Variants in AKAP8L observed in about 807,000 individuals in gnomAD.
AKAP8L encodes A-kinase anchoring protein 8 like, also known as A-kinase anchor protein 8-like.
In AKAP8L, 34 loss-of-function variants were observed where a neutral mutation model predicts 77.5. The ratio of observed to expected loss-of-function variants is 0.44; its 90% confidence interval spans 0.33 to 0.58. The LOEUF is 0.58. AKAP8L is among the 20% of genes least tolerant of loss of function. The pLI is 0.02. For synonymous variants in AKAP8L, 342 were observed against 340.7 expected (o/e 1.00, Z -0.04); for missense variants, 806 against 887.6 (o/e 0.91, Z 1.17).
At chr19:15,380,748 T>C in intron 12 of AKAP8L, 136 bp from the exon 13 acceptor site, 5 of 693,290 alleles carry the variant, frequency 7.2e-6, no homozygotes, top group Non-Finnish European at 1.2e-5. Context: ...GGAGGGCCAC[T>C]CCACAAGCAT....
intron 12 of AKAP8L, among the ~76,000 whole-genome samples, chr19:15,381,564 C>T (rs1455901753): frequency 1.3e-5 from 2 of 152,090 alleles, no homozygotes; most frequent in African/African-American, 2.4e-5. Context: ...CTTCCCACTC[C>T]ATTTACATGT....
chr19:15,401,063 A>C lies in AKAP8L; in HGVS notation c.817-20T>G. 1 of 1,610,594 alleles carries C rather than the reference A, an allele frequency of 6.2e-7. No individual in the cohort carries two copies. The highest frequency in any genetic ancestry group is 8.5e-7 in the Non-Finnish European group (1 of 1,179,844). ...CTTGGTCTGGGTCATAAGGGGGGGA[A>C]GCCGTGTCAGGGTGCATGGCACCCG... is the stretch of plus-strand genomic sequence containing the variant. On this transcript the variant is annotated intron_variant, in intron 5 of 13. Coordinates refer to ENST00000397410, the MANE Select transcript of AKAP8L (RefSeq NM_014371.4). The surrounding 1 kb of genome is among the most constrained non-coding windows in gnomAD (Gnocchi z 6.2).
At chr19:15,381,640 G>A (rs754640672) in intron 12 of AKAP8L, among the ~76,000 whole-genome samples, 3 of 150,810 alleles carry the variant, frequency 2.0e-5, no homozygotes, top group Non-Finnish European at 2.9e-5. Flanking sequence ...TCCTTAGCAC[G>A]TTTTCTCTAC....
Position 15,401,063 on chromosome 19 carries a change from A to G in AKAP8L, c.817-20T>C. 6.2e-7 allele frequency: 1 copy of G among 1,610,594 alleles called. No individual in the cohort carries two copies. ...CTTGGTCTGGGTCATAAGGGGGGGA[A>G]GCCGTGTCAGGGTGCATGGCACCCG... On this transcript the variant is annotated intron_variant, in intron 5 of 13. Transcript: ENST00000397410. The surrounding 1 kb of genome is among the most constrained non-coding windows in gnomAD (Gnocchi z 6.2).
intron 1 of AKAP8L, among the ~76,000 whole-genome samples, chr19:15,411,678 G>A (rs907448229): frequency 1.3e-5 from 2 of 152,028 alleles, no homozygotes; most frequent in African/African-American, 2.4e-5. Context: ...TATTTGGGGT[G>A]GCATGGTCAT....
At chr19:15,402,543 C>A (rs1463806780) in intron 4 of AKAP8L, among the ~76,000 whole-genome samples, 1 of 152,242 alleles carries the variant, frequency 6.6e-6, no homozygotes, top group Non-Finnish European at 1.5e-5. Context: ...ACATGCCAAG[C>A]CCTCAGCTCT....
Position 15,398,401 on chromosome 19 carries a change from GGCA to G in AKAP8L, c.1158-549_1158-547del. On this transcript the variant is annotated intron_variant, in intron 9 of 13. Transcript: ENST00000397410. This position sits in a 1 kb window ranked among gnomAD's most constrained non-coding sequence, Gnocchi z 9.2. Reference sequence around the variant, plus strand: ...GGAGGGATGGGAGGCAGCAGGCCTGGGCACCTGCTGCCTCATCTTCCTCTTCCA... The same window carrying G: ...GGAGGGATGGGAGGCAGCAGGCCTGGCCTGCTGCCTCATCTTCCTCTTCCA... 5.3e-6 allele frequency: 1 copy of G among 188,236 alleles called. No individual in the cohort carries two copies. Among genetic ancestry groups the G allele is most frequent in the South Asian group, 1.7e-4 (1 of 5,996 alleles). 11.7% of individuals were successfully genotyped at this position (188,236 alleles called of 1,614,324 possible).
Position 15,397,489 on chromosome 19 carries a change from C to T in AKAP8L, c.1405+31G>A. 3 of 1,589,780 alleles carry T rather than the reference C, an allele frequency of 1.9e-6. No homozygotes were observed. The highest frequency in any genetic ancestry group is 2.6e-6 in the Non-Finnish European group (3 of 1,160,172). ...ATCAGGAGTGCAGGCTGAGGCCTTG[C>T]CTGGTGGGAGTGGGCTGAAAATCTC... is the stretch of plus-strand genomic sequence containing the variant. On this transcript the variant is annotated intron_variant, in intron 11 of 13. Transcript: ENST00000397410. The surrounding 1 kb of genome is among the most constrained non-coding windows in gnomAD (Gnocchi z 4.7).
chr19:15,380,469 A>T, intron 13 of AKAP8L, 39 bp from the exon 14 acceptor site: 2 of 1,612,718 alleles, frequency 1.2e-6, no homozygotes, highest in Non-Finnish European at 1.7e-6. Flanking sequence ...GAGGGAGCAC[A>T]GGCGGGGACT....
intron 12 of AKAP8L, among the ~76,000 whole-genome samples, chr19:15,384,184 G>A (rs556584967): frequency 6.6e-6 from 1 of 151,656 alleles, no homozygotes; most frequent in South Asian, 2.1e-4. Flanking sequence ...ACCTGCCTCC[G>A]CCTCCCAAAG....
rs1330753564 is a variant in AKAP8L, at chr19:15,380,171, G to A, written c.1892C>T (p.Pro631Leu). 6.6e-7 allele frequency: 1 copy of A among 1,505,470 alleles called. No homozygotes were observed. The highest frequency in any genetic ancestry group is 2.1e-5 in the Admixed American group (1 of 47,532). 93.3% of individuals were successfully genotyped at this position (1,505,470 alleles called of 1,614,324 possible). A position where few individuals can be genotyped will look rare whatever the true frequency, so the allele number is the denominator to read the frequency against. ...GALQRQIRGIPGLDVEDDEEG... is the reference protein window; with the variant it reads ...GALQRQIRGILGLDVEDDEEG... ...CTCGTCGTCCTCCACGTCGAGGCCC[G>A]GGATGCCGCGGATCTGGCGTTGCAG... The change falls in exon 14 of 14, where the codon CCG (proline) becomes CTG (leucine). Residue 631 changes from proline to leucine, a missense_variant. Around this residue, in one of 2 missense-constraint regions of AKAP8L, gnomAD observed 226 missense variants for 193.5 expected, o/e 1.17. Transcript: ENST00000397410.
At chr19:15,409,705 C>T (rs1313423524) in intron 2 of AKAP8L, among the ~76,000 whole-genome samples, 1 of 152,192 alleles carries the variant, frequency 6.6e-6, no homozygotes, top group Non-Finnish European at 1.5e-5. Flanking sequence ...AACAAAACAG[C>T]ATCTGTGAAT....
chr19:15,384,676 C>T (rs4809186), intron 12 of AKAP8L, among the ~76,000 whole-genome samples: 121,401 of 152,140 alleles, frequency 0.8, 48,696 homozygotes, highest in East Asian at 0.99. Flanking sequence ...GTTTTTTTTC[C>T]ATTTAAATTT....
chr19:15,397,056 C>T lies in AKAP8L; in HGVS notation c.1536+94G>A. On this transcript the variant is annotated intron_variant, in intron 12 of 13. Coordinates refer to ENST00000397410, the MANE Select transcript of AKAP8L (RefSeq NM_014371.4). The surrounding 1 kb of genome is among the most constrained non-coding windows in gnomAD (Gnocchi z 4.7). ...CCTCCTCCTGCCTCCACTGCAGTCC[C>T]TCACGGGCTGGCAGAGGTTCCAACT... 1.3e-6 allele frequency: 2 copies of T among 1,557,618 alleles called. No individual in the cohort carries two copies. The highest frequency in any genetic ancestry group is 2.3e-5 in the South Asian group (2 of 86,198).
intron 12 of AKAP8L, among the ~76,000 whole-genome samples, chr19:15,392,855 C>T (rs1967690673): frequency 2.2e-5 from 3 of 138,108 alleles, no homozygotes; most frequent in Admixed American, 7.8e-5. Flanking sequence ...AAGATGGCAC[C>T]ACTGCATTCC....
intron 4 of AKAP8L, among the ~76,000 whole-genome samples, chr19:15,402,327 C>G (rs1393654414): frequency 2.0e-5 from 3 of 152,280 alleles, no homozygotes; most frequent in South Asian, 4.1e-4. Flanking sequence ...GACTGCAGCC[C>G]GCAGCCCACA....
rs1968034373 is a variant in AKAP8L at position 15,408,040 on chromosome 19, AT to A, written c.88+2479del. Among the ~76,000 whole-genome samples, 4 of 152,254 alleles carry A rather than the reference AT, an allele frequency of 2.6e-5. 1 individual carries two copies. The stretch of plus-strand genomic sequence containing the variant: ...CGAGGCGCAGTGGCTAATGCCTGTA[AT>A]TCCAACACTTTGGGAGGCCGAGGCA... On this transcript the variant is annotated intron_variant, in intron 2 of 13. Coordinates refer to ENST00000397410, the MANE Select transcript of AKAP8L (RefSeq NM_014371.4).
At chr19:15,417,622 G>A (rs1968231184) in intron 1 of AKAP8L, 1 of 152,216 alleles carries the variant, frequency 6.6e-6, no homozygotes, top group Non-Finnish European at 1.5e-5. Flanking sequence ...GGGGTTCTTG[G>A]AAAGCTCCTG....
At chr19:15,391,863 G>T (rs550283664) in intron 12 of AKAP8L, among the ~76,000 whole-genome samples, 1 of 151,920 alleles carries the variant, frequency 6.6e-6, no homozygotes. Flanking sequence ...TAGAGACAGG[G>T]TCTTGCTCTG....
Sources: gnomAD v4.1 joint callset for allele counts (sites outside exome capture counted in the v4.1 genomes callset) on GRCh38, gnomAD v4.1.1 for gene constraint, gnomAD v4.1.1 regional missense constraint, Gnocchi (gnomAD v3.1) non-coding constraint, MANE v1.5 for transcripts, NCBI Gene and HGNC (gene_info 2026-07-23, HGNC 2026-07-21) for gene names.